PBX3: variants seen among roughly 807,000 people sequenced by gnomAD.
PBX3 encodes pre-B-cell leukemia transcription factor 3.
In PBX3, 14 loss-of-function variants were observed where a neutral mutation model predicts 48.5. That is an observed-to-expected ratio of 0.29 (90% CI 0.19 to 0.45). PBX3 has a LOEUF of 0.45. Among genes scored for constraint, PBX3 ranks in the 20% least tolerant of loss-of-function variants. The pLI, the probability that PBX3 is intolerant of heterozygous loss-of-function variation, is 1.00. For synonymous variants in PBX3, 210 were observed against 200.3 expected, an observed-to-expected ratio of 1.05 and a Z score of -0.41; for missense variants, 386 against 546.7, an observed-to-expected ratio of 0.71 and a Z score of 2.93.
intron 2 of PBX3, among the ~76,000 whole-genome samples, chr9:125,754,107 G>T (rs1392305869): frequency 6.6e-6 from 1 of 152,010 alleles, no homozygotes; most frequent in Non-Finnish European, 1.5e-5. Context: ...TAACACATCA[G>T]CACTAACACA....
intron 2 of PBX3, among the ~76,000 whole-genome samples, chr9:125,874,641 T>G (rs1388624438): frequency 1.3e-5 from 2 of 152,166 alleles, no homozygotes; most frequent in Non-Finnish European, 2.9e-5. Flanking sequence ...CGTGGATTAT[T>G]CACTAAGATA....
chr9:125,917,951 A>C (rs919039878), intron 3 of PBX3, among the ~76,000 whole-genome samples: 3 of 152,202 alleles, frequency 2.0e-5, no homozygotes, highest in African/African-American at 4.8e-5. Context: ...TTGACATATG[A>C]ATAATTGAGA....
intron 2 of PBX3, among the ~76,000 whole-genome samples, chr9:125,829,485 C>T (rs1039225183): frequency 1.3e-5 from 2 of 152,048 alleles, no homozygotes; most frequent in Non-Finnish European, 2.9e-5. Flanking sequence ...GGTGAGTAAT[C>T]TCAACATTTA....
At chr9:125,830,468 T>C (rs1838927422) in intron 2 of PBX3, among the ~76,000 whole-genome samples, 3 of 152,124 alleles carry the variant, frequency 2.0e-5, no homozygotes, top group South Asian at 2.1e-4. Flanking sequence ...AGCTGAGTAA[T>C]AGAAAAGTAC....
intron 2 of PBX3, among the ~76,000 whole-genome samples, chr9:125,790,813 CAA>C (rs1188029990): frequency 6.6e-6 from 1 of 152,008 alleles, no homozygotes; most frequent in African/African-American, 2.4e-5. Flanking sequence ...GTGATCCTCT[CAA>C]AGTGTTGGGA....
At position 125,767,794 on chromosome 9, in the gene PBX3, T is replaced by C. The variant is rs961621877; in HGVS notation, c.274+19171T>C. ...TGAGAAGCCTAGTGGATCTGCTTTC[T>C]ACCCAGTGGTTCTACAAACACTCAG... On this transcript the variant is annotated intron_variant, in intron 2 of 8. Coordinates refer to ENST00000373489, the MANE Select transcript of PBX3 (RefSeq NM_006195.6). Among the ~76,000 whole-genome samples the C allele has an allele frequency of 2.0e-5, 3 of 152,320 alleles. No homozygotes were observed. The East Asian group carries it at 5.8e-4, about 29-fold the overall frequency.
At chr9:125,858,075 G>A (rs755110474) in intron 2 of PBX3, among the ~76,000 whole-genome samples, 3 of 152,172 alleles carry the variant, frequency 2.0e-5, no homozygotes, top group Non-Finnish European at 4.4e-5. Flanking sequence ...AGCATTAACA[G>A]CATTAAGGCT....
rs746164655 is a variant in PBX3, at chr9:125,747,424, C to CGCCGCCCGCT, written c.-29_-20dup. On this transcript the variant is annotated 5_prime_UTR_variant, in exon 1 of 9. Coordinates refer to ENST00000373489, the MANE Select transcript of PBX3 (RefSeq NM_006195.6). ...CCGCCGCCTCAGCCTTCGCCTCAGC[C>CGCCGCCCGCT]GCCGCCCGCTCCCGCCCGCGCGCGG... 1.4e-6 allele frequency: 2 copies of CGCCGCCCGCT among 1,425,710 alleles called. No homozygotes were observed. Among genetic ancestry groups the CGCCGCCCGCT allele is most frequent in the Non-Finnish European group, 1.8e-6 (2 of 1,085,188 alleles). 88.3% of individuals were successfully genotyped at this position (1,425,710 alleles called of 1,614,324 possible). A position where few individuals can be genotyped will look rare whatever the true frequency, so the allele number is the denominator to read the frequency against.
At chr9:125,776,670 A>G (rs991762506) in intron 2 of PBX3, among the ~76,000 whole-genome samples, 2 of 151,940 alleles carry the variant, frequency 1.3e-5, no homozygotes, top group South Asian at 2.1e-4. Context: ...CCTCCTGAGT[A>G]TCTGGGACTT....
At chr9:125,874,981 T>G (rs1444721572) in intron 2 of PBX3, among the ~76,000 whole-genome samples, 7 of 152,172 alleles carry the variant, frequency 4.6e-5, no homozygotes, top group African/African-American at 1.2e-4. Context: ...TGTTTTACTT[T>G]CATTCAGTTG....
chr9:125,933,313 G>A (rs963181107), intron 4 of PBX3, among the ~76,000 whole-genome samples: 1 of 152,172 alleles, frequency 6.6e-6, no homozygotes, highest in African/African-American at 2.4e-5. Flanking sequence ...AAACATTTAA[G>A]AATAAATTTG....
At chr9:125,791,515 C>T (rs989220746) in intron 2 of PBX3, among the ~76,000 whole-genome samples, 3 of 152,112 alleles carry the variant, frequency 2.0e-5, no homozygotes, top group Non-Finnish European at 4.4e-5. Flanking sequence ...TGAGTGAGTT[C>T]TCACGAGATC....
rs559400375 is a variant in PBX3, at chr9:125,816,716, C to T, written c.274+68093C>T. On this transcript the variant is annotated intron_variant, in intron 2 of 8. Transcript: ENST00000373489. ...TGACTGGGGAAAGGGTTGTGTCTGT[C>T]CTCAAGTTTTAGTCTGTCTCTCTTT... Among the ~76,000 whole-genome samples, 21 of 152,174 alleles carry T rather than the reference C, an allele frequency of 1.4e-4. No individual in the cohort carries two copies. In the South Asian group the frequency reaches 4.4e-3, roughly 32 times the overall value.
chr9:125,796,598 A>C (rs1049378622), intron 2 of PBX3, among the ~76,000 whole-genome samples: 1 of 152,166 alleles, frequency 6.6e-6, no homozygotes, highest in Non-Finnish European at 1.5e-5. Flanking sequence ...GTAAGGTCTA[A>C]TATATAGGGA....
intron 2 of PBX3, chr9:125,865,218 C>T (rs1202957419): frequency 5.9e-6 from 1 of 168,950 alleles, no homozygotes; most frequent in African/African-American, 2.4e-5. Flanking sequence ...TTCTATATGG[C>T]CAGAGGGCTC....
intron 2 of PBX3, among the ~76,000 whole-genome samples, chr9:125,754,301 C>T (rs548039873): frequency 1.3e-5 from 2 of 152,214 alleles, no homozygotes; most frequent in African/African-American, 4.8e-5. Context: ...AAAGCTTACA[C>T]ATTACCACCA....
At chr9:125,901,133 C>A (rs1840935749) in intron 2 of PBX3, among the ~76,000 whole-genome samples, 1 of 151,644 alleles carries the variant, frequency 6.6e-6, no homozygotes, top group Admixed American at 6.6e-5. Flanking sequence ...GTTACTATTT[C>A]AATTAGTTTT....
At chr9:125,962,284 C>CTGG (rs1293226296) in intron 7 of PBX3, 70 bp downstream of exon 7, 9 of 854,818 alleles carry the variant, frequency 1.1e-5, no homozygotes, top group South Asian at 1.5e-5. Flanking sequence ...TTCCTCTGAC[C>CTGG]CCATGGAAGT....
intron 7 of PBX3, 73 bp downstream of exon 7, chr9:125,962,287 A>G (rs1842447536): frequency 2.4e-6 from 2 of 829,168 alleles, no homozygotes; most frequent in South Asian, 3.0e-5. Flanking sequence ...CTCTGACCCC[A>G]TGGAAGTGGT....
Sources: gnomAD v4.1 joint callset for allele counts (sites outside exome capture counted in the v4.1 genomes callset) on GRCh38, gnomAD v4.1.1 for gene constraint, MANE v1.5 for transcripts, NCBI Gene and HGNC (gene_info 2026-07-23, HGNC 2026-07-21) for gene names.